Variants in TRDMT1 observed in about 807,000 individuals in gnomAD.
TRDMT1 encodes the protein tRNA aspartic acid methyltransferase 1, also known as tRNA (cytosine(38)-C(5))-methyltransferase.
A neutral mutation model predicts 51.2 loss-of-function variants in TRDMT1; 49 were observed. The observed-to-expected ratio is 0.96, with a 90% confidence interval of 0.76 to 1.21. The LOEUF is 1.21. TRDMT1 is among the 50% of genes most tolerant of loss of function. The probability of loss-of-function intolerance (pLI) is 0.00; values close to 1 mark genes in which losing one functional copy is unlikely to be tolerated. For synonymous variants in TRDMT1, 187 were observed against 164.6 expected (o/e 1.14, Z -1.04); for missense variants, 534 against 462.3 (o/e 1.16, Z -1.42).
chr10:17,149,303 C>G (rs1162496054), intron 10 of TRDMT1, among the ~76,000 whole-genome samples, 163 bp from the exon 11 acceptor site: 1 of 152,108 alleles, frequency 6.6e-6, no homozygotes, highest in East Asian at 1.9e-4. Flanking sequence ...CAAAAATATT[C>G]TATAACATTA....
chr10:17,192,391 A>T (rs1191293012), intron 1 of TRDMT1, among the ~76,000 whole-genome samples: 1 of 152,212 alleles, frequency 6.6e-6, no homozygotes, highest in African/African-American at 2.4e-5. Context: ...GCCTAATAGA[A>T]ATATTACAGA....
intron 8 of TRDMT1, 67 bp downstream of exon 8, chr10:17,157,374 A>T: frequency 7.2e-7 from 1 of 1,392,992 alleles, no homozygotes; most frequent in Non-Finnish European, 9.7e-7. Context: ...AGAAGAACTT[A>T]AAGAAACAAT....
Position 17,146,504 on chromosome 10 carries a change from T to C in TRDMT1, c.*2536A>G. On this transcript the variant is annotated 3_prime_UTR_variant, in exon 11 of 11. Coordinates refer to ENST00000377799, the MANE Select transcript of TRDMT1 (RefSeq NM_004412.7). Reference sequence around the variant, plus strand: ...GACTCATTTTGTTTACATTAATTGATTTGGTCATCTCTTAGAATTAGTTTT... The same window carrying C: ...GACTCATTTTGTTTACATTAATTGACTTGGTCATCTCTTAGAATTAGTTTT... 1.0e-6 allele frequency: 1 copy of C among 985,360 alleles called. No homozygotes were observed. Among genetic ancestry groups the C allele is most frequent in the African/African-American group, 1.7e-5 (1 of 57,382 alleles). 61.0% of individuals were successfully genotyped at this position (985,360 alleles called of 1,614,324 possible). A position where few individuals can be genotyped will look rare whatever the true frequency, so the allele number is the denominator to read the frequency against.
At chr10:17,166,553 T>A (rs1025766027) in intron 3 of TRDMT1, among the ~76,000 whole-genome samples, 4 of 152,020 alleles carry the variant, frequency 2.6e-5, no homozygotes, top group African/African-American at 9.7e-5. Flanking sequence ...ATCTTCAGAG[T>A]CTTAAATAAG....
chr10:17,165,934 T>C (rs1469737713), intron 3 of TRDMT1, among the ~76,000 whole-genome samples: 1 of 151,534 alleles, frequency 6.6e-6, no homozygotes, highest in Non-Finnish European at 1.5e-5. Flanking sequence ...GACTGTAAAC[T>C]AGTTCAACCA....
rs1041889585 is a variant in TRDMT1 at position 17,141,863 on chromosome 10, A to G, written c.*7177T>C. Reference sequence around the variant, plus strand: ...AGACACATCATAATTAAATTTCTGAAAATAAAGTTAATGTAACAGACAAAA... The same window carrying G: ...AGACACATCATAATTAAATTTCTGAGAATAAAGTTAATGTAACAGACAAAA... On this transcript the variant is annotated 3_prime_UTR_variant, in exon 11 of 11. Transcript: ENST00000377799. Among the ~76,000 whole-genome samples the G allele has an allele frequency of 2.6e-5, 4 of 152,238 alleles. No individual in the cohort carries two copies. The highest frequency in any genetic ancestry group is 7.2e-5 in the African/African-American group (3 of 41,462).
intron 1 of TRDMT1, among the ~76,000 whole-genome samples, chr10:17,186,438 A>T (rs538669572): frequency 2.2e-4 from 34 of 152,268 alleles, no homozygotes; most frequent in Admixed American, 1.3e-3. Flanking sequence ...GTCAGAGAGA[A>T]GGCTTTGGGA....
intron 3 of TRDMT1, among the ~76,000 whole-genome samples, chr10:17,163,407 C>A (rs1387381089): frequency 6.6e-6 from 1 of 152,016 alleles, no homozygotes. Flanking sequence ...TAAAAGCCCA[C>A]AAGAGAAAAC....
At position 17,146,280 on chromosome 10, in the gene TRDMT1, G is replaced by C. The variant is rs1243894447; in HGVS notation, c.*2760C>G. ...TTGAGGAAGAATAAGTTGGCTGAAG[G>C]TTGGAGGTATTTTCTCATCTTTCCA... On this transcript the variant is annotated 3_prime_UTR_variant, in exon 11 of 11. Transcript: ENST00000377799. The C allele has an allele frequency of 1.0e-6, 1 of 985,308 alleles. No homozygotes were observed. Among genetic ancestry groups the C allele is most frequent in the African/African-American group, 1.7e-5 (1 of 57,234 alleles). 61.0% of individuals were successfully genotyped at this position (985,308 alleles called of 1,614,324 possible). A position where few individuals can be genotyped will look rare whatever the true frequency, so the allele number is the denominator to read the frequency against.
At chr10:17,156,234 T>C (rs555527811) in intron 8 of TRDMT1, among the ~76,000 whole-genome samples, 31 of 151,702 alleles carry the variant, frequency 2.0e-4, no homozygotes, top group Non-Finnish European at 2.7e-4. Context: ...CTTGGCAAAA[T>C]TTTTCTTTTT....
chr10:17,163,002 GA>G (rs2131444294), intron 3 of TRDMT1, among the ~76,000 whole-genome samples: 1 of 152,236 alleles, frequency 6.6e-6, no homozygotes, highest in African/African-American at 2.4e-5. Context: ...GAGTTCAGAG[GA>G]ACGAACTGCT....
At chr10:17,153,307 G>T (rs1308645553) in intron 10 of TRDMT1, 200 bp downstream of exon 10, 13 of 595,922 alleles carry the variant, frequency 2.2e-5, no homozygotes, top group Non-Finnish European at 2.3e-5. Context: ...AGTTAGAGAG[G>T]GGGAGAATGA....
At chr10:17,198,990 A>G (rs1845806373) in intron 1 of TRDMT1, among the ~76,000 whole-genome samples, 1 of 152,222 alleles carries the variant, frequency 6.6e-6, no homozygotes, top group Admixed American at 6.5e-5. Flanking sequence ...AGGTAGACCT[A>G]GGTTAAAATA....
chr10:17,187,594 A>G (rs934270513), intron 1 of TRDMT1, among the ~76,000 whole-genome samples: 3 of 152,204 alleles, frequency 2.0e-5, no homozygotes, highest in Non-Finnish European at 2.9e-5. Context: ...CCCACCCTCA[A>G]GGAGCTTACA....
chr10:17,192,703 T>G (rs1192085081), intron 1 of TRDMT1, among the ~76,000 whole-genome samples: 2 of 152,188 alleles, frequency 1.3e-5, no homozygotes, highest in Non-Finnish European at 2.9e-5. Flanking sequence ...TCTCAAAACC[T>G]GATACATTTC....
At position 17,147,374 on chromosome 10, in the gene TRDMT1, A is replaced by G; in HGVS notation, c.*1666T>C. On this transcript the variant is annotated 3_prime_UTR_variant, in exon 11 of 11. Transcript: ENST00000377799. The stretch of plus-strand genomic sequence containing the variant: ...AGTTCTGAAAAATTGGTAATAGAGT[A>G]TGATTTTTTCAATTGCAGTAAAATA... 5 of 981,692 alleles carry G rather than the reference A, an allele frequency of 5.1e-6. No individual in the cohort carries two copies. The highest frequency in any genetic ancestry group is 6.0e-6 in the Non-Finnish European group (5 of 826,532). The allele number at this position is 981,692 out of a possible 1,614,324, so 60.8% of individuals were successfully genotyped here.
chr10:17,174,191 T>C (rs545276114), intron 2 of TRDMT1, among the ~76,000 whole-genome samples: 1 of 152,248 alleles, frequency 6.6e-6, no homozygotes, highest in East Asian at 1.9e-4. Context: ...TAAAAGCCAA[T>C]GATTTTCTCC....
intron 2 of TRDMT1, among the ~76,000 whole-genome samples, chr10:17,173,665 A>C (rs553010298): frequency 2.6e-4 from 39 of 152,310 alleles, no homozygotes; most frequent in Admixed American, 1.2e-3. Flanking sequence ...CCCACTTAAA[A>C]TTACGTACAA....
chr10:17,156,293 G>C (rs1023897426), intron 8 of TRDMT1, among the ~76,000 whole-genome samples: 1 of 151,866 alleles, frequency 6.6e-6, no homozygotes, highest in Non-Finnish European at 1.5e-5. Flanking sequence ...GGAGTGCAGG[G>C]ATATGATCTC....
Sources: allele counts gnomAD v4.1 joint callset (sites outside exome capture counted in the v4.1 genomes callset), GRCh38; gene constraint gnomAD v4.1.1; transcripts MANE v1.5; gene names NCBI Gene and HGNC (gene_info 2026-07-23, HGNC 2026-07-21).